Variants in RTL4 observed in about 807,000 individuals in gnomAD.
The protein encoded by RTL4 is retrotransposon Gag-like protein 4.
A neutral mutation model predicts 5.3 loss-of-function variants in RTL4; 4 were observed. The ratio of observed to expected loss-of-function variants is 0.75; its 90% CI spans 0.37 to 1.72. The LOEUF (loss-of-function observed/expected upper bound fraction) is 1.72, where lower values mean the gene tolerates loss of function less well. Ranked by LOEUF, RTL4 falls within the 40% of genes most tolerant of loss-of-function variation. The probability of loss-of-function intolerance (pLI) is 0.04; values close to 1 mark genes in which losing one functional copy is unlikely to be tolerated. For missense variants in RTL4, 260 were observed against 227.1 expected (o/e 1.14, Z -0.93); for synonymous variants, 98 against 87.3 (o/e 1.12, Z -0.68).
the RTL4 span, among the ~76,000 whole-genome samples, chrX:112,236,440 TATCTATATATAGATATAG>T: frequency 5.2e-4 from 41 of 79,157 alleles, no homozygotes; most frequent in African/African-American, 2.2e-3. Context: ...TATAGATCTA[TATCTATATATAGATATAG>T]ATCTATATCT....
chrX:112,342,736 T>C, the RTL4 span, among the ~76,000 whole-genome samples: 1 of 111,485 alleles, frequency 9.0e-6, no homozygotes, highest in South Asian at 3.8e-4. Context: ...CACAAAACCC[T>C]TTCTGACACA....
the RTL4 span, among the ~76,000 whole-genome samples, chrX:112,085,254 G>A: frequency 1.8e-5 from 2 of 112,403 alleles, no homozygotes; most frequent in African/African-American, 6.5e-5. Flanking sequence ...AAAAATGGAA[G>A]CCACTATCTG....
chrX:112,204,076 G>A, the RTL4 span, among the ~76,000 whole-genome samples: 2 of 112,575 alleles, frequency 1.8e-5, no homozygotes, highest in Non-Finnish European at 3.8e-5. Flanking sequence ...AAGAAAAGGT[G>A]CTCAACATAA....
upstream of RTL4, among the ~76,000 whole-genome samples, chrX:112,450,416 G>C (rs1179839194): frequency 8.9e-6 from 1 of 112,120 alleles, no homozygotes; most frequent in Admixed American, 9.5e-5. Flanking sequence ...TCAAGCCTGT[G>C]TATTTCAGGT....
At chrX:112,249,379 A>G in the RTL4 span, among the ~76,000 whole-genome samples, 1 of 111,090 alleles carries the variant, frequency 9.0e-6, no homozygotes, top group Non-Finnish European at 1.9e-5. Flanking sequence ...GGTTCTGAGT[A>G]TCTGTGACGG....
At chrX:112,112,367 C>T in the RTL4 span, among the ~76,000 whole-genome samples, 1 of 111,693 alleles carries the variant, frequency 9.0e-6, no homozygotes, top group African/African-American at 3.3e-5. Flanking sequence ...TCTGGGTCTC[C>T]TTGATTAGAG....
chrX:112,433,113 C>T, the RTL4 span, among the ~76,000 whole-genome samples: 3 of 111,272 alleles, frequency 2.7e-5, no homozygotes, highest in Non-Finnish European at 5.7e-5. Context: ...GTACCAGTAC[C>T]ATGCTCTTTT....
At chrX:112,401,214 C>G in the RTL4 span, among the ~76,000 whole-genome samples, 3 of 111,680 alleles carry the variant, frequency 2.7e-5, no homozygotes, top group Non-Finnish European at 5.6e-5. Flanking sequence ...TCTCCTTTCT[C>G]TTAGTTCCTG....
At chrX:112,326,193 G>T in the RTL4 span, among the ~76,000 whole-genome samples, 1 of 111,853 alleles carries the variant, frequency 8.9e-6, no homozygotes, top group African/African-American at 3.3e-5. Context: ...ACAGCTCCCA[G>T]CATGAGCGAC....
At chrX:112,389,508 C>A in the RTL4 span, among the ~76,000 whole-genome samples, 1 of 110,986 alleles carries the variant, frequency 9.0e-6, no homozygotes, top group African/African-American at 3.3e-5. Context: ...AATTTGAGAT[C>A]TTTCTAACTT....
At chrX:112,167,107 G>A in the RTL4 span, among the ~76,000 whole-genome samples, 1 of 111,767 alleles carries the variant, frequency 8.9e-6, no homozygotes, top group Non-Finnish European at 1.9e-5. Context: ...AATGGACCAT[G>A]AGTTTGCATG....
chrX:112,254,969 T>A, the RTL4 span, among the ~76,000 whole-genome samples: 1 of 111,922 alleles, frequency 8.9e-6, no homozygotes, highest in African/African-American at 3.2e-5. Flanking sequence ...AATACAAAAC[T>A]TTTTTCCACA....
At chrX:112,456,062 A>C in exon 1 of RTL4, 1 of 286,589 alleles carries the variant, frequency 3.5e-6, no homozygotes, top group Non-Finnish European at 6.4e-6. Context: ...AATGAGCCCA[A>C]GACTTTTACC....
At chrX:112,456,300 C>G (rs1173306425) in exon 1 of RTL4, 1 of 306,952 alleles carries the variant, frequency 3.3e-6, no homozygotes, top group Admixed American at 6.2e-5. Context: ...TCATGCTTTC[C>G]CAACAAACAG....
At chrX:112,415,680 C>A in the RTL4 span, among the ~76,000 whole-genome samples, 2 of 110,867 alleles carry the variant, frequency 1.8e-5, no homozygotes, top group Non-Finnish European at 1.9e-5. Context: ...AAAAAAAACT[C>A]CACTCTTATG....
the RTL4 span, among the ~76,000 whole-genome samples, chrX:112,144,064 C>T: frequency 0.21 from 23,444 of 111,262 alleles, 3,870 homozygotes; most frequent in African/African-American, 0.57. Context: ...CAGTACATTT[C>T]TTGTTAATCT....
chrX:112,321,354 A>G, the RTL4 span, among the ~76,000 whole-genome samples: 8 of 110,299 alleles, frequency 7.3e-5, no homozygotes, highest in African/African-American at 2.3e-4. Flanking sequence ...TGGCCAACAT[A>G]GTTAAACCCT....
chrX:112,222,985 C>T, the RTL4 span, among the ~76,000 whole-genome samples: 1 of 112,483 alleles, frequency 8.9e-6, no homozygotes, highest in African/African-American at 3.2e-5. Context: ...GAGTTATTGA[C>T]AATTCTCAGC....
At chrX:112,312,378 C>T in the RTL4 span, among the ~76,000 whole-genome samples, 3 of 111,708 alleles carry the variant, frequency 2.7e-5, no homozygotes, top group Non-Finnish European at 5.6e-5. Context: ...TGATACAGAT[C>T]CTGCCAAATG....
Sources: allele counts gnomAD v4.1 joint callset (sites outside exome capture counted in the v4.1 genomes callset), GRCh38; gene constraint gnomAD v4.1.1; transcripts MANE v1.5; gene names NCBI Gene and HGNC (gene_info 2026-07-23, HGNC 2026-07-21).